The following MINDY3 variants were observed in gnomAD, a reference collection of about 807,000 sequenced individuals.
MINDY3 encodes the protein ubiquitin carboxyl-terminal hydrolase MINDY-3.
In MINDY3, 38 loss-of-function variants were observed where a neutral mutation model predicts 69.2. That is an observed-to-expected ratio of 0.55 (90% CI 0.42 to 0.72). The LOEUF is 0.72. Ranked by LOEUF, MINDY3 falls within the 30% of genes least tolerant of loss-of-function variation. The probability of loss-of-function intolerance (pLI) is 0.00; values close to 1 mark genes in which losing one functional copy is unlikely to be tolerated. For missense variants in MINDY3, 522 were observed against 519.0 expected, an observed-to-expected ratio of 1.01 and a Z score of -0.06; for synonymous variants, 192 against 180.1, an observed-to-expected ratio of 1.07 and a Z score of -0.53.
chr10:15,841,463 C>G lies in MINDY3; in HGVS notation c.372G>C (p.Gly124=), dbSNP rs1833462848. 3 of 1,611,586 alleles carry G rather than the reference C, an allele frequency of 1.9e-6. No homozygotes were observed. The highest frequency in any genetic ancestry group is 2.5e-6 in the Non-Finnish European group (3 of 1,178,452). The stretch of plus-strand genomic sequence containing the variant: ...CTTGGCAACTAGACTCTGCAGGACT[C>G]CCAGAAATACTAGCAGTTTCCTCAG... ...KTTEETASIS[G]SPAESSCQVE... is the part of the protein sequence containing the mutation. The change falls in exon 4 of 15, where the codon GGG becomes GGC. Residue 124 remains glycine, a synonymous_variant. Transcript: ENST00000277632.
In MINDY3 at chr10:15,796,097, T is replaced by C; in HGVS notation, c.955+3A>G. 1.9e-6 allele frequency: 3 copies of C among 1,610,290 alleles called. No individual in the cohort carries two copies. Among genetic ancestry groups the C allele is most frequent in the Non-Finnish European group, 1.7e-6 (2 of 1,176,946 alleles). Reference sequence around the variant, plus strand: ...ACACAGAGATGATGTTAAAATCTTTTACCTTCTGGGTCGTAGGTTTGAAAA... The same window carrying C: ...ACACAGAGATGATGTTAAAATCTTTCACCTTCTGGGTCGTAGGTTTGAAAA... On this transcript the variant is annotated splice_donor_region_variant and intron_variant, in intron 11 of 14. Coordinates refer to ENST00000277632, the MANE Select transcript of MINDY3 (RefSeq NM_024948.4).
chr10:15,780,629 T>C (rs1836453627), intron 14 of MINDY3, among the ~76,000 whole-genome samples: 1 of 152,200 alleles, frequency 6.6e-6, no homozygotes, highest in African/African-American at 2.4e-5. Context: ...GTCTGTTTCC[T>C]TTCTAACAGG....
intron 1 of MINDY3, among the ~76,000 whole-genome samples, chr10:15,848,633 C>CGAAAAA (rs1834026612): frequency 2.0e-5 from 1 of 48,792 alleles, no homozygotes; most frequent in Non-Finnish European, 3.1e-5. Flanking sequence ...GACTTCATCT[C>CGAAAAA]AAAAAAAAAA....
chr10:15,780,936 TC>T (rs1836481434), intron 14 of MINDY3, among the ~76,000 whole-genome samples: 1 of 152,038 alleles, frequency 6.6e-6, no homozygotes, highest in African/African-American at 2.4e-5. Context: ...CCTGGGTGAG[TC>T]ACTTGATCTC....
intron 11 of MINDY3, among the ~76,000 whole-genome samples, chr10:15,791,618 G>C (rs1837421772): frequency 6.6e-6 from 1 of 151,962 alleles, no homozygotes; most frequent in Admixed American, 6.6e-5. Flanking sequence ...TTGGATTGTG[G>C]CTGAAAGGAG....
At chr10:15,832,843 A>G (rs1203680350) in intron 8 of MINDY3, among the ~76,000 whole-genome samples, 1 of 152,206 alleles carries the variant, frequency 6.6e-6, no homozygotes, top group African/African-American at 2.4e-5. Context: ...AAGATCATGA[A>G]TCACTTCAAT....
At chr10:15,783,130 A>G (rs1836679759) in intron 13 of MINDY3, among the ~76,000 whole-genome samples, 1 of 152,200 alleles carries the variant, frequency 6.6e-6, no homozygotes, top group Non-Finnish European at 1.5e-5. Context: ...ACAGAAAGAT[A>G]GGCTGTGAGA....
At position 15,795,355 on chromosome 10, in the gene MINDY3, T is replaced by C. The variant is rs570106896; in HGVS notation, c.955+745A>G. On this transcript the variant is annotated intron_variant, in intron 11 of 14. Transcript: ENST00000277632. The stretch of plus-strand genomic sequence containing the variant: ...GATTTTCAGAGAGGAAAAGAGCAGA[T>C]CACTAAGTGTACAAAGTTTCAAGAC... 4.6e-5 allele frequency among the ~76,000 whole-genome samples: 7 copies of C among 152,056 alleles called. No homozygotes were observed. In the South Asian group the frequency reaches 8.3e-4, roughly 18 times the overall value.
At chr10:15,823,938 T>A (rs1839929325) in intron 8 of MINDY3, among the ~76,000 whole-genome samples, 1 of 152,204 alleles carries the variant, frequency 6.6e-6, no homozygotes, top group African/African-American at 2.4e-5. Context: ...CTTAAGATTA[T>A]GACCTCCAGT....
At chr10:15,837,447 T>A (rs929636879) in intron 5 of MINDY3, 129 bp from the exon 6 acceptor site, 2 of 1,292,478 alleles carry the variant, frequency 1.5e-6, no homozygotes, top group African/African-American at 3.0e-5. Flanking sequence ...GGGACGTTTC[T>A]AAATTTTTCA....
chr10:15,786,582 A>T lies in MINDY3; in HGVS notation c.1095T>A (p.Leu365=). 1.3e-6 allele frequency: 2 copies of T among 1,585,116 alleles called. No individual in the cohort carries two copies. The highest frequency in any genetic ancestry group is 1.7e-6 in the Non-Finnish European group (2 of 1,155,172). The change falls in exon 13 of 15, where the codon CTT becomes CTA. Residue 365 remains leucine, a synonymous_variant. Coordinates refer to ENST00000277632, the MANE Select transcript of MINDY3 (RefSeq NM_024948.4). The stretch of plus-strand genomic sequence containing the variant: ...TTACCTGATCAGGAAAAAATTCTTG[A>T]AGAAATGGGCCCAATAATATGATTC... The part of the protein sequence containing the change: ...GLGIILLGPF[L]QEFFPDQGSS...
intron 8 of MINDY3, among the ~76,000 whole-genome samples, chr10:15,828,111 T>C (rs963085075): frequency 2.6e-5 from 4 of 152,216 alleles, no homozygotes; most frequent in East Asian, 1.9e-4. Context: ...AACACTAAAA[T>C]ATACATCTCA....
chr10:15,806,396 A>C (rs970929283), intron 10 of MINDY3, among the ~76,000 whole-genome samples: 2 of 152,156 alleles, frequency 1.3e-5, no homozygotes, highest in African/African-American at 4.8e-5. Context: ...CAATAATTTA[A>C]TCTTGGGAGG....
At chr10:15,788,493 A>G (rs1341860525) in intron 12 of MINDY3, among the ~76,000 whole-genome samples, 1 of 152,020 alleles carries the variant, frequency 6.6e-6, no homozygotes, top group African/African-American at 2.4e-5. Context: ...GAACTCTTTC[A>G]TTATGTTTGA....
chr10:15,785,761 T>C (rs528649268), intron 13 of MINDY3, among the ~76,000 whole-genome samples: 8 of 152,214 alleles, frequency 5.3e-5, no homozygotes, highest in Non-Finnish European at 1.0e-4. Context: ...AATTACATTC[T>C]GAATTTTAGT....
rs1413502805 is a variant in MINDY3, at chr10:15,778,289, A to G, written c.*703T>C. 6.6e-6 allele frequency: 1 copy of G among 152,254 alleles called. No individual in the cohort carries two copies. The highest frequency in any genetic ancestry group is 2.4e-5 in the African/African-American group (1 of 41,470). The allele number at this position is 152,254 out of a possible 1,614,324, so 9.4% of individuals were successfully genotyped here. A position where few individuals can be genotyped will look rare whatever the true frequency, so the allele number is the denominator to read the frequency against. On this transcript the variant is annotated 3_prime_UTR_variant, in exon 15 of 15. Coordinates refer to ENST00000277632, the MANE Select transcript of MINDY3 (RefSeq NM_024948.4). The stretch of plus-strand genomic sequence containing the variant: ...TATCGTGTTTATAAATATAGAAGAA[A>G]GCTGGCTTACAGGGCTGTTGGGACA...
intron 10 of MINDY3, among the ~76,000 whole-genome samples, chr10:15,797,084 T>C (rs1837896495): frequency 6.6e-6 from 1 of 152,114 alleles, no homozygotes; most frequent in Non-Finnish European, 1.5e-5. Context: ...TGTTCCCCTG[T>C]GAACACAATT....
At chr10:15,845,045 T>C (rs900104610) in intron 2 of MINDY3, among the ~76,000 whole-genome samples, 1 of 151,294 alleles carries the variant, frequency 6.6e-6, no homozygotes, top group African/African-American at 2.4e-5. Context: ...TTATTGCTAA[T>C]ATTTACTGCA....
chr10:15,779,471 A>ATATT (rs1390869651), intron 14 of MINDY3, among the ~76,000 whole-genome samples: 4 of 152,186 alleles, frequency 2.6e-5, no homozygotes, highest in Non-Finnish European at 4.4e-5. Flanking sequence ...CTTAATTATC[A>ATATT]TATTTACATA....
Sources: gnomAD v4.1 joint callset for allele counts (sites outside exome capture counted in the v4.1 genomes callset) on GRCh38, gnomAD v4.1.1 for gene constraint, MANE v1.5 for transcripts, NCBI Gene and HGNC (gene_info 2026-07-23, HGNC 2026-07-21) for gene names.